Variants in SRPX observed in about 807,000 individuals in gnomAD.
The protein encoded by SRPX is sushi repeat containing protein X-linked.
A neutral mutation model predicts 38.1 loss-of-function variants in SRPX; 24 were observed. The observed-to-expected ratio is 0.63, with a 90% CI of 0.46 to 0.89. SRPX has a LOEUF of 0.89. Ranked by LOEUF, SRPX falls within the 40% of genes least tolerant of loss-of-function variation. The probability of loss-of-function intolerance (pLI) is 0.00; values close to 1 mark genes in which losing one functional copy is unlikely to be tolerated. For missense variants in SRPX, 416 were observed against 377.8 expected, an observed-to-expected ratio of 1.10 and a Z score of -0.84; for synonymous variants, 184 against 153.8, an observed-to-expected ratio of 1.20 and a Z score of -1.45.
intron 2 of SRPX, among the ~76,000 whole-genome samples, chrX:38,177,067 C>A (rs1450682543): frequency 9.0e-6 from 1 of 110,804 alleles, no homozygotes; most frequent in Non-Finnish European, 1.9e-5. Context: ...CTAGGCAACC[C>A]CTGCTGTAGA....
At chrX:38,197,973 T>A (rs773666125) in intron 1 of SRPX, among the ~76,000 whole-genome samples, 1 of 112,093 alleles carries the variant, frequency 8.9e-6, no homozygotes, top group African/African-American at 3.2e-5. Context: ...GGCCGAAGGA[T>A]GCTGGCAAGA....
intron 1 of SRPX, among the ~76,000 whole-genome samples, chrX:38,207,432 G>A (rs1445309843): frequency 8.9e-6 from 1 of 112,112 alleles, no homozygotes; most frequent in African/African-American, 3.2e-5. Context: ...AAGCTCTGTA[G>A]CCTGACTGTC....
chrX:38,150,030 C>G lies in SRPX; in HGVS notation c.1212-136G>C, dbSNP rs141637845. ...TGAAGGACTGAATCATCCTTTAGAC[C>G]CTGTCTACTCCAACTGTGACCCTTG... On this transcript the variant is annotated intron_variant, in intron 9 of 9. Transcript: ENST00000378533. 119 of 496,325 alleles carry G rather than the reference C, an allele frequency of 2.4e-4. No individual in the cohort carries two copies. In the African/African-American group the frequency reaches 2.7e-3, roughly 11 times the overall value. 40.9% of individuals were successfully genotyped at this position (496,325 alleles called of 1,213,427 possible). A position where few individuals can be genotyped will look rare whatever the true frequency, so the allele number is the denominator to read the frequency against.
intron 4 of SRPX, among the ~76,000 whole-genome samples, chrX:38,168,981 C>T (rs1202923090): frequency 8.9e-6 from 1 of 111,956 alleles, no homozygotes; most frequent in African/African-American, 3.3e-5. Flanking sequence ...AGCAAGAGGC[C>T]AGCCTGGGCA....
chrX:38,171,518 G>A (rs5964308), intron 4 of SRPX, among the ~76,000 whole-genome samples: 2,402 of 111,535 alleles, frequency 0.022, 72 homozygotes, highest in African/African-American at 0.074. Context: ...AGCTACATTG[G>A]GGCTGAAAGA....
In SRPX at chrX:38,149,376, T is replaced by C. The variant is rs1298476480; in HGVS notation, c.*335A>G. On this transcript the variant is annotated 3_prime_UTR_variant, in exon 10 of 10. Coordinates refer to ENST00000378533, the MANE Select transcript of SRPX (RefSeq NM_006307.5). ...CATTTTGTTTTATTAATAAAAGTCT[T>C]ACTTAAAAAACAAAATAGAAAAGAG... is the stretch of plus-strand genomic sequence containing the variant. 6.8e-6 allele frequency: 1 copy of C among 146,368 alleles called. No individual in the cohort carries two copies. The highest frequency in any genetic ancestry group is 8.4e-5 in the Admixed American group (1 of 11,938). The allele number at this position is 146,368 out of a possible 1,213,427, so 12.1% of individuals were successfully genotyped here.
Position 38,183,040 on chromosome X carries a change from G to GC in SRPX, c.98-4697dup, listed in dbSNP as rs56908054. ...TACACAAATGAATGAAAACTTTACTGCATATTCTTGATAGATTTTTTTTTT... is the reference window on the plus strand; with the variant it reads ...TACACAAATGAATGAAAACTTTACTGCCATATTCTTGATAGATTTTTTTTTT... On this transcript the variant is annotated intron_variant, in intron 1 of 9. Transcript: ENST00000378533. 3.9e-3 allele frequency among the ~76,000 whole-genome samples: 395 copies of GC among 101,741 alleles called. 2 individuals carry two copies. Among genetic ancestry groups the GC allele is most frequent in the Non-Finnish European group, 5.0e-3 (247 of 49,721 alleles). 88.3% of individuals were successfully genotyped at this position (101,741 alleles called of 115,157 possible).
At chrX:38,199,075 C>T (rs35728124) in intron 1 of SRPX, among the ~76,000 whole-genome samples, 35,611 of 110,217 alleles carry the variant, frequency 0.32, 4,802 homozygotes, top group Non-Finnish European at 0.42. Flanking sequence ...GGTTCATATA[C>T]TTATAAGGTA....
intron 1 of SRPX, among the ~76,000 whole-genome samples, chrX:38,190,930 T>G (rs1444062257): frequency 8.9e-6 from 1 of 111,777 alleles, no homozygotes; most frequent in Non-Finnish European, 1.9e-5. Flanking sequence ...AATGAGAATC[T>G]TGGAAGGATT....
Position 38,220,730 on chromosome X carries a change from C to G in SRPX, c.63G>C (p.Leu21=). ...TGCGGCTGGGCGGGACGCGCAGCAG[C>G]AGCAGCAGCAGCAGAGGCGGCAGCA... The part of the protein sequence containing the change: ...LLLLPPLLLL[L]LLRVPPSRSF... The change falls in exon 1 of 10, where the codon CTG becomes CTC. Residue 21 remains leucine (L), a synonymous_variant. Coordinates refer to ENST00000378533, the MANE Select transcript of SRPX (RefSeq NM_006307.5). 2 of 1,156,136 alleles carry G rather than the reference C, an allele frequency of 1.7e-6. No individual in the cohort carries two copies. Among genetic ancestry groups the G allele is most frequent in the Non-Finnish European group, 2.3e-6 (2 of 869,715 alleles).
At chrX:38,194,693 G>A (rs753005425) in intron 1 of SRPX, among the ~76,000 whole-genome samples, 3 of 110,881 alleles carry the variant, frequency 2.7e-5, no homozygotes, top group East Asian at 5.6e-4. Flanking sequence ...ACAAGATAAC[G>A]TGAATGAAAA....
At chrX:38,211,030 G>A (rs1939311002) in intron 1 of SRPX, among the ~76,000 whole-genome samples, 1 of 111,965 alleles carries the variant, frequency 8.9e-6, no homozygotes, top group Non-Finnish European at 1.9e-5. Flanking sequence ...AGCTTTGCAG[G>A]CCATATGGAC....
At chrX:38,181,947 C>A (rs761262583) in intron 1 of SRPX, among the ~76,000 whole-genome samples, 62 of 110,966 alleles carry the variant, frequency 5.6e-4, no homozygotes, top group African/African-American at 2.0e-3. Context: ...AAAAAAAAAC[C>A]TACTGGAGTC....
intron 1 of SRPX, among the ~76,000 whole-genome samples, chrX:38,200,760 C>T (rs1028585111): frequency 8.9e-6 from 1 of 111,891 alleles, no homozygotes; most frequent in African/African-American, 3.3e-5. Flanking sequence ...ATGGCCCAAT[C>T]ACCTCTTAAA....
At chrX:38,156,770 G>T in intron 8 of SRPX, 126 bp downstream of exon 8, 1 of 799,443 alleles carries the variant, frequency 1.3e-6, no homozygotes, top group Non-Finnish European at 1.7e-6. Context: ...TAGCTCTAAA[G>T]TGCCACTTCC....
chrX:38,160,267 G>A lies in SRPX; in HGVS notation c.776-71C>T, dbSNP rs186531429. 3.8e-6 allele frequency: 4 copies of A among 1,052,187 alleles called. No individual in the cohort carries two copies. The East Asian group carries it at 1.2e-4, about 32-fold the overall frequency. 86.7% of individuals were successfully genotyped at this position (1,052,187 alleles called of 1,213,427 possible). The stretch of plus-strand genomic sequence containing the variant: ...CCACAGAGTAAGCAGAAAAGGTGAG[G>A]ATGCAGAGGCATCAGCTTTGCAATC... On this transcript the variant is annotated intron_variant, in intron 6 of 9. Transcript: ENST00000378533.
chrX:38,178,147 A>AT (rs1938598005), intron 2 of SRPX, 138 bp downstream of exon 2: 1 of 382,756 alleles, frequency 2.6e-6, no homozygotes, highest in African/African-American at 2.5e-5. Flanking sequence ...GTATATATAT[A>AT]TATTTTTTTT....
chrX:38,181,410 T>C (rs189057933), intron 1 of SRPX, among the ~76,000 whole-genome samples: 43 of 112,521 alleles, frequency 3.8e-4, no homozygotes, highest in African/African-American at 1.3e-3. Flanking sequence ...CTACTTTTAG[T>C]GATTTGGAAG....
At chrX:38,182,401 C>T (rs903773661) in intron 1 of SRPX, among the ~76,000 whole-genome samples, 1 of 111,759 alleles carries the variant, frequency 8.9e-6, no homozygotes, top group African/African-American at 3.3e-5. Context: ...GTGGGTCCCA[C>T]AGAAGCAAAA....
Sources: allele counts gnomAD v4.1 joint callset (sites outside exome capture counted in the v4.1 genomes callset), GRCh38; gene constraint gnomAD v4.1.1; transcripts MANE v1.5; gene names NCBI Gene and HGNC (gene_info 2026-07-23, HGNC 2026-07-21).